Variants in RPRD2 observed in about 807,000 individuals in gnomAD.
RPRD2 encodes the protein regulation of nuclear pre-mRNA domain containing 2, also known as regulation of nuclear pre-mRNA domain-containing protein 2.
RPRD2 carries 12 observed loss-of-function variants against 104.4 expected under a neutral mutation model. The observed-to-expected ratio is 0.11, with a 90% CI of 0.07 to 0.19. The LOEUF is 0.19. RPRD2 is among the 10% of genes least tolerant of loss of function. The pLI, the probability that RPRD2 is intolerant of heterozygous loss-of-function variation, is 1.00. For missense variants in RPRD2, 1,543 were observed against 1,790.1 expected, an observed-to-expected ratio of 0.86 and a Z score of 2.49; for synonymous variants, 714 against 684.9, an observed-to-expected ratio of 1.04 and a Z score of -0.66.
At chr1:150,417,032 T>TG (rs1664398579) in intron 1 of RPRD2, among the ~76,000 whole-genome samples, 1 of 152,158 alleles carries the variant, frequency 6.6e-6, no homozygotes, top group Non-Finnish European at 1.5e-5. Flanking sequence ...GAGTAGTATC[T>TG]GGATTGGTTG....
In RPRD2 at chr1:150,472,771, C is replaced by G; in HGVS notation, c.3823C>G (p.Pro1275Ala). The change falls in exon 11 of 11, where the codon CCT (proline) becomes GCT (alanine). Residue 1275 changes from proline (P) to alanine (A), a missense_variant. Pro to Ala is a conservative substitution (Grantham distance 27, BLOSUM62 -1). Transcript: ENST00000369068. ...IPFPTPPPPP[P>A]PGEHSSSGGS... Reference sequence around the variant, plus strand: ...TTTCCCTACCCCACCTCCTCCTCCCCCTCCTGGGGAACATAGCAGCAGTGG... The same window carrying G: ...TTTCCCTACCCCACCTCCTCCTCCCGCTCCTGGGGAACATAGCAGCAGTGG... 2.5e-6 allele frequency: 4 copies of G among 1,611,492 alleles called. No homozygotes were observed. The highest frequency in any genetic ancestry group is 1.3e-5 in the African/African-American group (1 of 75,008).
chr1:150,376,873 A>C (rs979907301), intron 1 of RPRD2, among the ~76,000 whole-genome samples: 1 of 151,254 alleles, frequency 6.6e-6, no homozygotes. Flanking sequence ...TTCTCTTATA[A>C]TATGTTATGC....
At position 150,431,473 on chromosome 1, in the gene RPRD2, A is replaced by ATTTTT. The variant is rs1160491386; in HGVS notation, c.336-9430_336-9426dup. Among the ~76,000 whole-genome samples the ATTTTT allele has an allele frequency of 1.3e-3, 101 of 78,834 alleles. 4 individuals are homozygous for ATTTTT. The highest frequency in any genetic ancestry group is 4.0e-3 in the African/African-American group (90 of 22,318). 51.7% of individuals were successfully genotyped at this position (78,834 alleles called of 152,430 possible). ...TATTATTCAGTCTTAAAAAGGAAGG[A>ATTTTT]TTTTTTTTTTTTTTTTTTTTTTTTG... On this transcript the variant is annotated intron_variant, in intron 2 of 10. Coordinates refer to ENST00000369068, the MANE Select transcript of RPRD2 (RefSeq NM_015203.5).
chr1:150,434,812 A>G (rs1295154886), intron 2 of RPRD2, among the ~76,000 whole-genome samples: 8 of 151,758 alleles, frequency 5.3e-5, no homozygotes, highest in African/African-American at 1.9e-4. Flanking sequence ...GTGAGACCCT[A>G]TCTCCAAAAA....
At chr1:150,440,797 A>T in intron 2 of RPRD2, 126 bp from the exon 3 acceptor site, 2 of 629,520 alleles carry the variant, frequency 3.2e-6, no homozygotes, top group Non-Finnish European at 5.6e-6. Flanking sequence ...TATAGAAAAA[A>T]GGTTTTGAAA....
chr1:150,384,448 ATCATTATTATTATTAT>A (rs1661391593), intron 1 of RPRD2, among the ~76,000 whole-genome samples: 1 of 107,656 alleles, frequency 9.3e-6, no homozygotes, highest in African/African-American at 2.9e-5. Flanking sequence ...AGGCATCATC[ATCATTATTATTATTAT>A]TATTATTATT....
At chr1:150,423,634 A>G (rs1461562961) in intron 2 of RPRD2, among the ~76,000 whole-genome samples, 1 of 152,128 alleles carries the variant, frequency 6.6e-6, no homozygotes, top group Non-Finnish European at 1.5e-5. Flanking sequence ...TTAAATACCC[A>G]TAATCTGAAA....
In RPRD2 at chr1:150,464,573, C is replaced by A. The variant is rs888972354; in HGVS notation, c.1458C>A (p.Pro486=). The change falls in exon 10 of 11, where the codon CCC becomes CCA. Residue 486 remains proline (P), a synonymous_variant. Coordinates refer to ENST00000369068, the MANE Select transcript of RPRD2 (RefSeq NM_015203.5). ...CTTCTCCAGGAACGCCCACCAGCCC[C>A]AGCAACCTCACCAGTGGCCTGAAAA... ...SRPSPGTPTS[P]SNLTSGLKTP... 36 of 1,607,234 alleles carry A rather than the reference C, an allele frequency of 2.2e-5. No homozygotes were observed. The highest frequency in any genetic ancestry group is 3.0e-5 in the Non-Finnish European group (35 of 1,176,744).
chr1:150,459,614 CG>C (rs1667784389), intron 8 of RPRD2, among the ~76,000 whole-genome samples: 1 of 136,948 alleles, frequency 7.3e-6, no homozygotes, highest in Non-Finnish European at 1.5e-5. Context: ...TTTTTTGAGA[CG>C]GGAGTCTCGC....
At chr1:150,470,265 A>G (rs762223067) in intron 10 of RPRD2, among the ~76,000 whole-genome samples, 2 of 152,110 alleles carry the variant, frequency 1.3e-5, no homozygotes, top group African/African-American at 4.8e-5. Flanking sequence ...AACTTAAACT[A>G]TGAATGATTC....
rs1390270892 is a variant in RPRD2 at position 150,472,075 on chromosome 1, A to G, written c.3127A>G (p.Asn1043Asp). ...TCCAAGTGATGGTGTCAGTCTCTCAAACCTCACCCAACCCAGCTTGACCGC... is the reference window on the plus strand; with the variant it reads ...TCCAAGTGATGGTGTCAGTCTCTCAGACCTCACCCAACCCAGCTTGACCGC... Reference protein sequence around the residue: ...GTPSDGVSLSNLTQPSLTATD... With the variant: ...GTPSDGVSLSDLTQPSLTATD... The change falls in exon 11 of 11, where the codon AAC becomes GAC. Residue 1043 changes from asparagine to aspartate, a missense_variant. Transcript: ENST00000369068. 1 of 1,613,764 alleles carries G rather than the reference A, an allele frequency of 6.2e-7. No individual in the cohort carries two copies. Among genetic ancestry groups the G allele is most frequent in the East Asian group, 2.2e-5 (1 of 44,884 alleles).
At chr1:150,394,686 G>A (rs191492820) in intron 1 of RPRD2, among the ~76,000 whole-genome samples, 10 of 152,074 alleles carry the variant, frequency 6.6e-5, no homozygotes, top group Admixed American at 6.6e-4. Flanking sequence ...CAGCCTCCCG[G>A]GTTCAAGCAA....
rs1326895604 is a variant in RPRD2 at position 150,413,466 on chromosome 1, G to A, written c.206-4130G>A. ...AAATACAAAAAAATTAGCTGGGTGC[G>A]GTGGCGCATGCCTGTAATCCCAGCT... On this transcript the variant is annotated intron_variant, in intron 1 of 10. Coordinates refer to ENST00000369068, the MANE Select transcript of RPRD2 (RefSeq NM_015203.5). Among the ~76,000 whole-genome samples the A allele has an allele frequency of 2.6e-5, 4 of 152,260 alleles. No individual in the cohort carries two copies. The South Asian group carries it at 6.2e-4, about 24-fold the overall frequency.
chr1:150,469,317 C>A (rs919277420), intron 10 of RPRD2, among the ~76,000 whole-genome samples: 1 of 151,936 alleles, frequency 6.6e-6, no homozygotes, highest in Non-Finnish European at 1.5e-5. Flanking sequence ...ACTTTGCCAC[C>A]CAGGCTGGTG....
chr1:150,375,761 A>G (rs782477691), intron 1 of RPRD2, among the ~76,000 whole-genome samples: 5 of 151,812 alleles, frequency 3.3e-5, no homozygotes, highest in Non-Finnish European at 7.4e-5. Flanking sequence ...AAAAGGGGAG[A>G]TTTTGGTCAG....
chr1:150,393,930 C>T (rs1187787206), intron 1 of RPRD2, among the ~76,000 whole-genome samples: 1 of 151,818 alleles, frequency 6.6e-6, no homozygotes, highest in Non-Finnish European at 1.5e-5. Context: ...GTAAAAATAA[C>T]AGTATATAAA....
intron 10 of RPRD2, among the ~76,000 whole-genome samples, 180 bp downstream of exon 10, chr1:150,464,907 G>T (rs1668167841): frequency 6.6e-6 from 1 of 151,838 alleles, no homozygotes; most frequent in Non-Finnish European, 1.5e-5. Context: ...GTCTCACTCT[G>T]TTGCCTAGTT....
chr1:150,411,500 A>C (rs1663911124), intron 1 of RPRD2, among the ~76,000 whole-genome samples: 1 of 121,608 alleles, frequency 8.2e-6, no homozygotes, highest in African/African-American at 3.5e-5. Context: ...CAAAAGAAGA[A>C]GGCAGTACAC....
intron 1 of RPRD2, among the ~76,000 whole-genome samples, chr1:150,366,767 G>C (rs1407068875): frequency 6.6e-6 from 1 of 152,132 alleles, no homozygotes; most frequent in African/African-American, 2.4e-5. Flanking sequence ...GTTCTAATGT[G>C]AGTGAGAGAA....
Sources: allele counts gnomAD v4.1 joint callset (sites outside exome capture counted in the v4.1 genomes callset), GRCh38; gene constraint gnomAD v4.1.1; transcripts MANE v1.5; gene names NCBI Gene and HGNC (gene_info 2026-07-23, HGNC 2026-07-21).